SGSM3: variants seen among roughly 807,000 people sequenced by gnomAD.
The protein encoded by SGSM3 is RUN and SH3 containing 3.
SGSM3 carries 96 observed loss-of-function variants against 100.5 expected under a neutral mutation model. The ratio of observed to expected loss-of-function variants is 0.96; its 90% confidence interval spans 0.81 to 1.13. The LOEUF is 1.13. SGSM3 is among the 50% of genes most tolerant of loss of function. The pLI is 0.00. For missense variants in SGSM3, 1,001 were observed against 1,015.8 expected (o/e 0.99, Z 0.20); for synonymous variants, 483 against 422.8 (o/e 1.14, Z -1.75).
intron 20 of SGSM3, 21 bp downstream of exon 20, chr22:40,409,393 G>A: frequency 6.3e-7 from 1 of 1,581,992 alleles, no homozygotes; most frequent in Non-Finnish European, 8.6e-7. Flanking sequence ...TACTGGGCTT[G>A]GGGGATGGAG....
chr22:40,373,024 A>G (rs2045891957), intron 1 of SGSM3: 1 of 152,200 alleles, frequency 6.6e-6, no homozygotes, highest in Admixed American at 6.5e-5. Flanking sequence ...GCCATCACAT[A>G]TTATACACAG....
intron 1 of SGSM3, among the ~76,000 whole-genome samples, chr22:40,395,640 AC>A (rs775586915): frequency 1.3e-5 from 2 of 151,886 alleles, no homozygotes; most frequent in Non-Finnish European, 2.9e-5. Flanking sequence ...GTAACTCTTA[AC>A]TTCTTAACTT....
intron 1 of SGSM3, among the ~76,000 whole-genome samples, chr22:40,397,894 C>CA (rs2146935302): frequency 6.6e-6 from 1 of 152,152 alleles, no homozygotes; most frequent in South Asian, 2.1e-4. Flanking sequence ...ATAGTCTCCA[C>CA]ACCTTGACCT....
chr22:40,405,056 TGG>T (rs1569206463), intron 6 of SGSM3, 83 bp from the exon 7 acceptor site: 3 of 1,434,400 alleles, frequency 2.1e-6, no homozygotes, highest in Non-Finnish European at 2.8e-6. Flanking sequence ...TCCCCATTTC[TGG>T]GGGAGAAGCC....
rs535560741 is a variant in SGSM3 at position 40,409,021 on chromosome 22, G to A, written c.1988+3G>A. The A allele has an allele frequency of 4.5e-5, 70 of 1,561,128 alleles. 1 individual carries two copies. In the South Asian group the frequency reaches 6.9e-4, roughly 15 times the overall value. On this transcript the variant is annotated splice_donor_region_variant and intron_variant, in intron 19 of 21. Coordinates refer to ENST00000248929, the MANE Select transcript of SGSM3 (RefSeq NM_015705.6). Reference sequence around the variant, plus strand: ...TCACTGATCTGCGTGGGGCTCAAGTGAGTGTGGAAAAGGGGTTGGAGGAGA... The same window carrying A: ...TCACTGATCTGCGTGGGGCTCAAGTAAGTGTGGAAAAGGGGTTGGAGGAGA...
At chr22:40,387,111 T>G (rs998708134) in intron 1 of SGSM3, 2 of 397,170 alleles carry the variant, frequency 5.0e-6, no homozygotes, top group Non-Finnish European at 8.9e-6. Context: ...ATAGTGAGAC[T>G]GCTGAGGGGT....
Position 40,400,774 on chromosome 22 carries a change from G to T in SGSM3, c.-33G>T. ...GCAGGATAGGAGACTTCTAAGATTG[G>T]AGCTGCAGAAGACTTGCCAGCCCAC... is the stretch of plus-strand genomic sequence containing the variant. On this transcript the variant is annotated 5_prime_UTR_variant, in exon 2 of 22. Coordinates refer to ENST00000248929, the MANE Select transcript of SGSM3 (RefSeq NM_015705.6). The T allele has an allele frequency of 6.4e-7, 1 of 1,551,202 alleles. No individual in the cohort carries two copies. Among genetic ancestry groups the T allele is most frequent in the South Asian group, 1.2e-5 (1 of 84,012 alleles).
intron 4 of SGSM3, 26 bp downstream of exon 4, chr22:40,402,231 C>T (rs1033272411): frequency 8.9e-6 from 14 of 1,581,690 alleles, no homozygotes; most frequent in Non-Finnish European, 1.0e-5. Context: ...TTTTGTGTGT[C>T]ATCTTGCTGA....
chr22:40,389,365 C>G (rs1367264043), intron 1 of SGSM3, among the ~76,000 whole-genome samples: 1 of 151,514 alleles, frequency 6.6e-6, no homozygotes, highest in Non-Finnish European at 1.5e-5. Context: ...TTTGGGAGGC[C>G]GAGGCGGGCG....
In SGSM3 at chr22:40,407,679, G is replaced by T; in HGVS notation, c.1525-110G>T. ...CCCTGCCAAGAGCTTCTCTTGTGAA[G>T]ATGTAGGGGTCTTGGCCTGGCCTAG... On this transcript the variant is annotated intron_variant, in intron 13 of 21. Transcript: ENST00000248929. The surrounding 1 kb of genome is among the most constrained non-coding windows in gnomAD (Gnocchi z 4.7). 6.3e-7 allele frequency: 1 copy of T among 1,585,088 alleles called. No individual in the cohort carries two copies. Among genetic ancestry groups the T allele is most frequent in the Non-Finnish European group, 8.6e-7 (1 of 1,157,484 alleles).
intron 1 of SGSM3, among the ~76,000 whole-genome samples, chr22:40,381,917 G>A (rs910788235): frequency 1.3e-5 from 2 of 152,182 alleles, no homozygotes; most frequent in Admixed American, 6.5e-5. Context: ...CAAGATTCGC[G>A]CCACTGCACT....
At chr22:40,386,958 G>A (rs1421766380) in intron 1 of SGSM3, among the ~76,000 whole-genome samples, 4 of 152,102 alleles carry the variant, frequency 2.6e-5, no homozygotes, top group South Asian at 4.2e-4. Context: ...TAGTTGCTTT[G>A]TGTCTTAAAT....
chr22:40,406,383 G>A, intron 9 of SGSM3, 55 bp from the exon 10 acceptor site: 1 of 1,506,980 alleles, frequency 6.6e-7, no homozygotes, highest in Non-Finnish European at 9.0e-7. Flanking sequence ...TCAGCTCAGT[G>A]CCACGTCCCT....
At chr22:40,405,622 A>AGGCCCTTGTCCCTGTGCCCTGGCCAGGT (rs1602080720) in intron 7 of SGSM3, 27 bp from the exon 8 acceptor site, 2 of 1,598,278 alleles carry the variant, frequency 1.3e-6, no homozygotes, top group Non-Finnish European at 1.7e-6. Flanking sequence ...CCTGGGTAGA[A>AGGCCCTTGTCCCTGTGCCCTGGCCAGGT]GGCCCTTGTC....
At chr22:40,391,863 C>T (rs1317625554) in intron 1 of SGSM3, among the ~76,000 whole-genome samples, 1 of 152,148 alleles carries the variant, frequency 6.6e-6, no homozygotes. Context: ...CTCTGACAGC[C>T]AGTGTCTCAC....
chr22:40,393,169 T>C (rs1051018690), intron 1 of SGSM3, among the ~76,000 whole-genome samples: 3 of 152,212 alleles, frequency 2.0e-5, no homozygotes, highest in Non-Finnish European at 4.4e-5. Flanking sequence ...CAGGCTGGAG[T>C]GCAGTGGCGC....
chr22:40,408,854 T>G lies in SGSM3; in HGVS notation c.1902+12T>G, dbSNP rs1289355574. On this transcript the variant is annotated intron_variant, in intron 18 of 21. Coordinates refer to ENST00000248929, the MANE Select transcript of SGSM3 (RefSeq NM_015705.6). ...AGCTGCTCTACCGGGTAAGGGGGCC[T>G]CCTCTGCCAGACCCTAGAGACCTCT... is the stretch of plus-strand genomic sequence containing the variant. 1.9e-6 allele frequency: 3 copies of G among 1,613,724 alleles called. No homozygotes were observed. Among genetic ancestry groups the G allele is most frequent in the Middle Eastern group, 1.6e-4 (1 of 6,084 alleles).
chr22:40,375,522 G>T (rs543503114), intron 1 of SGSM3, among the ~76,000 whole-genome samples: 1 of 151,838 alleles, frequency 6.6e-6, no homozygotes, highest in Non-Finnish European at 1.5e-5. Context: ...ATAGGTTGCA[G>T]TGAGCCGAGA....
At chr22:40,404,746 A>G in intron 6 of SGSM3, 82 bp downstream of exon 6, 1 of 981,140 alleles carries the variant, frequency 1.0e-6, no homozygotes, top group Non-Finnish European at 1.6e-6. Flanking sequence ...GGGTTCTTAG[A>G]GTGTGCCCTT....
Sources: allele counts gnomAD v4.1 joint callset (sites outside exome capture counted in the v4.1 genomes callset), GRCh38; gene constraint gnomAD v4.1.1; non-coding constraint Gnocchi (gnomAD v3.1); transcripts MANE v1.5; gene names NCBI Gene and HGNC (gene_info 2026-07-23, HGNC 2026-07-21).